Variants in P2RX5 observed in about 807,000 individuals in gnomAD.
P2RX5 encodes purinergic receptor P2X 5.
In P2RX5, 46 loss-of-function variants were observed where a neutral mutation model predicts 54.1. That is an observed-to-expected ratio of 0.85 (90% CI 0.67 to 1.09). P2RX5 has a LOEUF of 1.09. Ranked by LOEUF, P2RX5 falls within the 50% of genes least tolerant of loss-of-function variation. The pLI is 0.00. For synonymous variants in P2RX5, 226 were observed against 226.4 expected (o/e 1.00, Z 0.02); for missense variants, 566 against 549.8 (o/e 1.03, Z -0.29).
At chr17:3,687,978 C>A in intron 9 of P2RX5, 34 bp downstream of exon 9, 2 of 655,738 alleles carry the variant, frequency 3.1e-6, no homozygotes, top group Non-Finnish European at 5.2e-6. Flanking sequence ...CCCCGCCCCC[C>A]GCCCAGCCTC....
chr17:3,717,406 G>C, the P2RX5 span: 3 of 152,216 alleles, frequency 2.0e-5, no homozygotes, highest in Non-Finnish European at 4.4e-5. Context: ...GCAGAGCTCA[G>C]CTATTAGAAG....
At chr17:3,690,894 A>G in intron 3 of P2RX5, 62 bp downstream of exon 3, 3 of 1,436,426 alleles carry the variant, frequency 2.1e-6, no homozygotes, top group Non-Finnish European at 2.9e-6. Context: ...AGAAGAGAGT[A>G]GACCCCAACC....
upstream of P2RX5, among the ~76,000 whole-genome samples, chr17:3,699,897 GGAAGGAAGGAAGGAAGGAAGGAAAGAAA>G (rs2050805339): frequency 3.3e-5 from 1 of 30,448 alleles, no homozygotes; most frequent in South Asian, 2.2e-3. Context: ...AAGGAAGGAA[GGAAGGAAGGAAGGAAGGAAGGAAAGAAA>G]GAAAGAAAGA....
chr17:3,723,757 C>G, the P2RX5 span: 5 of 1,606,192 alleles, frequency 3.1e-6, no homozygotes, highest in South Asian at 4.4e-5. Flanking sequence ...GAAACGAGAG[C>G]CATGACCGCG....
rs528330876 is a variant in P2RX5, at chr17:3,688,870, G to A, written c.754-111C>T. The A allele has an allele frequency of 2.9e-4, 364 of 1,270,622 alleles. 1 individual carries two copies. The highest frequency in any genetic ancestry group is 3.8e-4 in the Non-Finnish European group (331 of 881,480). 78.7% of individuals were successfully genotyped at this position (1,270,622 alleles called of 1,614,324 possible). ...AATAGGAGGAGGTGCTCAGGCACGAGGTCAGCCCCTCGAGACCACCCTCCA... is the reference window on the plus strand; with the variant it reads ...AATAGGAGGAGGTGCTCAGGCACGAAGTCAGCCCCTCGAGACCACCCTCCA... On this transcript the variant is annotated intron_variant, in intron 7 of 11. Transcript: ENST00000225328.
At chr17:3,718,685 T>G in the P2RX5 span, among the ~76,000 whole-genome samples, 1 of 152,126 alleles carries the variant, frequency 6.6e-6, no homozygotes, top group African/African-American at 2.4e-5. Flanking sequence ...AATAAAAGTA[T>G]CAGTAAGTAA....
the P2RX5 span, chr17:3,714,833 G>A: frequency 2.0e-6 from 3 of 1,525,924 alleles, no homozygotes; most frequent in East Asian, 4.5e-5. Context: ...GCCTCTCCCA[G>A]TGGATAGCAG....
chr17:3,695,374 C>T (rs2050728254), intron 1 of P2RX5, among the ~76,000 whole-genome samples: 1 of 152,120 alleles, frequency 6.6e-6, no homozygotes, highest in Non-Finnish European at 1.5e-5. Context: ...GGCAAGTTGA[C>T]CGGAAGGGAG....
intron 10 of P2RX5, among the ~76,000 whole-genome samples, chr17:3,680,271 GTGTCCTCCACCCTGCA>G (rs2050220469): frequency 7.3e-6 from 1 of 137,448 alleles, no homozygotes. Context: ...CCTCCACCCA[GTGTCCTCCACCCTGCA>G]TCCTCCACCC....
At chr17:3,722,758 T>C in the P2RX5 span, among the ~76,000 whole-genome samples, 2 of 152,200 alleles carry the variant, frequency 1.3e-5, no homozygotes, top group South Asian at 2.1e-4. Context: ...GAAAAAAGTA[T>C]GGATTTTAGT....
In P2RX5 at chr17:3,677,191, A is replaced by AC. The variant is rs1189343878; in HGVS notation, c.1259+2398_1259+2399insG. Reference sequence around the variant, plus strand: ...GAGGGAGGGGAATGAGGGCCTCCCTAACTCAGCCCGTTTACACCTGCTGAG... The same window carrying AC: ...GAGGGAGGGGAATGAGGGCCTCCCTACACTCAGCCCGTTTACACCTGCTGAG... On this transcript the variant is annotated intron_variant, in intron 11 of 11. Coordinates refer to ENST00000225328, the MANE Select transcript of P2RX5 (RefSeq NM_002561.4). The AC allele has an allele frequency of 1.1e-4, 106 of 985,328 alleles. No homozygotes were observed. In the East Asian group the frequency reaches 7.9e-3, roughly 74 times the overall value. The allele number at this position is 985,328 out of a possible 1,614,324, so 61.0% of individuals were successfully genotyped here.
At chr17:3,690,177 C>T in intron 5 of P2RX5, 27 bp from the exon 6 acceptor site, 1 of 1,596,404 alleles carries the variant, frequency 6.3e-7, no homozygotes, top group Middle Eastern at 1.7e-4. Context: ...AACAGCCTGT[C>T]CAGGAGGCCC....
Position 3,689,550 on chromosome 17 carries a change from A to C in P2RX5, c.695T>G (p.Phe232Cys). 1 of 1,614,190 alleles carries C rather than the reference A, an allele frequency of 6.2e-7. No homozygotes were observed. Among genetic ancestry groups the C allele is most frequent in the Non-Finnish European group, 8.5e-7 (1 of 1,180,024 alleles). Reference sequence around the variant, plus strand: ...CCAGCGGATCACGGAGCCCAGTCGGAAGATGGGGCAGTAGTGGTTCTTGGG... The same window carrying C: ...CCAGCGGATCACGGAGCCCAGTCGGCAGATGGGGCAGTAGTGGTTCTTGGG... ...FGPKNHYCPI[F>C]RLGSVIRWAG... Residue 232 changes from phenylalanine (F) to cysteine (C), a missense_variant, in exon 7 of 12, where the codon TTC becomes TGC. By Grantham distance (205) the Phe-to-Cys change is radical. Coordinates refer to ENST00000225328, the MANE Select transcript of P2RX5 (RefSeq NM_002561.4).
At chr17:3,675,413 T>C (rs1241428152) in intron 11 of P2RX5, 4 of 985,230 alleles carry the variant, frequency 4.1e-6, no homozygotes, top group Non-Finnish European at 4.8e-6. Flanking sequence ...TGCCAGCCAT[T>C]TCGAAGTCTG....
At chr17:3,718,983 G>C in the P2RX5 span, among the ~76,000 whole-genome samples, 1 of 152,058 alleles carries the variant, frequency 6.6e-6, no homozygotes, top group East Asian at 1.9e-4. Context: ...TGTAATCCCA[G>C]CACTTTGGGA....
the P2RX5 span, among the ~76,000 whole-genome samples, chr17:3,708,070 A>C: frequency 3.3e-5 from 5 of 151,458 alleles, no homozygotes; most frequent in South Asian, 8.3e-4. Context: ...AAAAAAAAAA[A>C]AAAAAAAAAA....
chr17:3,688,497 G>T, intron 8 of P2RX5, 129 bp downstream of exon 8: 1 of 1,001,224 alleles, frequency 1.0e-6, no homozygotes, highest in South Asian at 1.3e-5. Flanking sequence ...ACCTCTCCTG[G>T]GCCATCTGTC....
chr17:3,693,983 T>C (rs2050689211), intron 1 of P2RX5, among the ~76,000 whole-genome samples: 1 of 152,088 alleles, frequency 6.6e-6, no homozygotes, highest in South Asian at 2.1e-4. Flanking sequence ...CAGGCTAGCC[T>C]TGAACTCCTG....
intron 1 of P2RX5, among the ~76,000 whole-genome samples, chr17:3,695,402 C>T (rs1281914498): frequency 1.3e-5 from 2 of 152,144 alleles, no homozygotes; most frequent in African/African-American, 4.8e-5. Flanking sequence ...ACATGCCGGG[C>T]TGATGAGTTT....
Sources: allele counts gnomAD v4.1 joint callset (sites outside exome capture counted in the v4.1 genomes callset), GRCh38; gene constraint gnomAD v4.1.1; transcripts MANE v1.5; gene names NCBI Gene and HGNC (gene_info 2026-07-23, HGNC 2026-07-21).